Variants in ZSWIM5 observed in about 807,000 individuals in gnomAD.
ZSWIM5 encodes the protein zinc finger SWIM-type containing 5, also known as zinc finger SWIM domain-containing protein 5.
In ZSWIM5, 55 loss-of-function variants were observed where a neutral mutation model predicts 119.6. The ratio of observed to expected loss-of-function variants is 0.46; its 90% CI spans 0.37 to 0.58. ZSWIM5 has a LOEUF of 0.58. Ranked by LOEUF, ZSWIM5 falls within the 20% of genes least tolerant of loss-of-function variation. The probability of loss-of-function intolerance (pLI) is 0.00; values close to 1 mark genes in which losing one functional copy is unlikely to be tolerated. For missense variants in ZSWIM5, 1,193 were observed against 1,512.8 expected (o/e 0.79, Z 3.51); for synonymous variants, 537 against 606.9 (o/e 0.88, Z 1.69).
At chr1:45,089,816 TA>T (rs1193657676) in intron 1 of ZSWIM5, among the ~76,000 whole-genome samples, 5 of 150,230 alleles carry the variant, frequency 3.3e-5, no homozygotes, top group African/African-American at 1.2e-4. Flanking sequence ...CTACACAAAA[TA>T]AAAAAAAAGT....
chr1:45,201,600 CTATAA>C (rs913701483), intron 1 of ZSWIM5, among the ~76,000 whole-genome samples: 35 of 152,110 alleles, frequency 2.3e-4, no homozygotes, highest in Middle Eastern at 6.8e-3. Context: ...CCAGCCTTTT[CTATAA>C]TATATTTTTA....
chr1:45,022,134 A>AT (rs1163868262), intron 11 of ZSWIM5, among the ~76,000 whole-genome samples: 8,731 of 148,840 alleles, frequency 0.059, 953 homozygotes, highest in African/African-American at 0.21. Flanking sequence ...ATTTTATTTT[A>AT]TTTTATTTTT....
intron 11 of ZSWIM5, among the ~76,000 whole-genome samples, chr1:45,028,738 G>A (rs2148988985): frequency 6.6e-6 from 1 of 151,850 alleles, no homozygotes; most frequent in African/African-American, 2.4e-5. Context: ...CTGGGTGACA[G>A]AGCGAGACTC....
intron 1 of ZSWIM5, among the ~76,000 whole-genome samples, chr1:45,177,230 T>C (rs537360450): frequency 6.6e-6 from 1 of 152,184 alleles, no homozygotes; most frequent in South Asian, 2.1e-4. Context: ...GAAAAGAATA[T>C]GACACTGAAA....
chr1:45,133,606 T>G (rs1400206132), intron 1 of ZSWIM5, among the ~76,000 whole-genome samples: 5 of 152,218 alleles, frequency 3.3e-5, no homozygotes, highest in African/African-American at 1.2e-4. Flanking sequence ...CAGAAGCTCT[T>G]TAGTTTAATT....
chr1:45,175,027 T>A (rs999473431), intron 1 of ZSWIM5, among the ~76,000 whole-genome samples: 1 of 152,120 alleles, frequency 6.6e-6, no homozygotes, highest in Non-Finnish European at 1.5e-5. Flanking sequence ...AATGTCCCCA[T>A]AAGGATCCAG....
At chr1:45,116,393 T>C (rs1645558504) in intron 1 of ZSWIM5, among the ~76,000 whole-genome samples, 1 of 152,210 alleles carries the variant, frequency 6.6e-6, no homozygotes, top group Non-Finnish European at 1.5e-5. Context: ...TCTTTTCTCC[T>C]CCTTCTAGCA....
rs1645131149 is a variant in ZSWIM5, at chr1:45,057,809, A to C, written c.1252+800T>G. Reference sequence around the variant, plus strand: ...ACAGAGGACTGCCTTGATGAGGGAGAACCTAGAACAGTGAGGCCATTAGAA... The same window carrying C: ...ACAGAGGACTGCCTTGATGAGGGAGCACCTAGAACAGTGAGGCCATTAGAA... On this transcript the variant is annotated intron_variant, in intron 4 of 13. Transcript: ENST00000359600. The surrounding 1 kb of genome is among the most constrained non-coding windows in gnomAD (Gnocchi z 4.7). 6.6e-6 allele frequency among the ~76,000 whole-genome samples: 1 copy of C among 152,226 alleles called. No individual in the cohort carries two copies. Among genetic ancestry groups the C allele is most frequent in the Non-Finnish European group, 1.5e-5 (1 of 68,048 alleles).
chr1:45,066,717 C>T (rs540827546), intron 2 of ZSWIM5, among the ~76,000 whole-genome samples: 5 of 152,166 alleles, frequency 3.3e-5, no homozygotes, highest in South Asian at 2.1e-4. Flanking sequence ...AATTTGGACT[C>T]GATCCTAACA....
chr1:45,036,455 A>G (rs1357028986), intron 8 of ZSWIM5, 156 bp from the exon 9 acceptor site: 1 of 647,428 alleles, frequency 1.5e-6, no homozygotes. Context: ...CCCCGGTTCA[A>G]GCGATTTTCC....
intron 1 of ZSWIM5, among the ~76,000 whole-genome samples, chr1:45,147,820 G>A (rs967789225): frequency 2.6e-5 from 4 of 151,888 alleles, no homozygotes; most frequent in Non-Finnish European, 4.4e-5. Flanking sequence ...TTTCTACCCA[G>A]ACAACACACT....
chr1:45,099,346 CA>C (rs1369547122), intron 1 of ZSWIM5, among the ~76,000 whole-genome samples: 1 of 152,000 alleles, frequency 6.6e-6, no homozygotes, highest in Non-Finnish European at 1.5e-5. Context: ...AAGACTAAAC[CA>C]GGAAGAAATT....
At chr1:45,054,235 C>T (rs1645107884) in intron 4 of ZSWIM5, among the ~76,000 whole-genome samples, 1 of 151,844 alleles carries the variant, frequency 6.6e-6, no homozygotes, top group Non-Finnish European at 1.5e-5. Flanking sequence ...TATGATCACA[C>T]CACTGTATTC....
chr1:45,029,692 G>A (rs1041094094), intron 11 of ZSWIM5, among the ~76,000 whole-genome samples: 5 of 152,080 alleles, frequency 3.3e-5, no homozygotes, highest in East Asian at 3.9e-4. Context: ...AAAATCATAC[G>A]ATCTTTATCC....
intron 5 of ZSWIM5, among the ~76,000 whole-genome samples, chr1:45,047,573 T>C (rs1386806048): frequency 6.6e-6 from 1 of 152,114 alleles, no homozygotes; most frequent in Non-Finnish European, 1.5e-5. Context: ...AGTGAAAAAT[T>C]GGAGATGCAG....
intron 1 of ZSWIM5, among the ~76,000 whole-genome samples, chr1:45,146,403 G>A: frequency 1.0e-5 from 1 of 98,084 alleles, no homozygotes. Context: ...AAAAAAAAAA[G>A]TATAAAATAC....
In ZSWIM5 at chr1:45,139,177, G is replaced by A. The variant is rs550389728; in HGVS notation, c.596-50940C>T. 2.6e-4 allele frequency among the ~76,000 whole-genome samples: 40 copies of A among 151,476 alleles called. 1 individual carries two copies. In the South Asian group the frequency reaches 7.3e-3, roughly 28 times the overall value. On this transcript the variant is annotated intron_variant, in intron 1 of 13. Coordinates refer to ENST00000359600, the MANE Select transcript of ZSWIM5 (RefSeq NM_020883.2). ...GATTACAGGTGTGAGCCACCACACC[G>A]GCCCTTTTTTCCGTTTTTTAAGAGA...
At chr1:45,041,479 T>A (rs959335320) in intron 6 of ZSWIM5, among the ~76,000 whole-genome samples, 1 of 151,110 alleles carries the variant, frequency 6.6e-6, no homozygotes, top group Non-Finnish European at 1.5e-5. Flanking sequence ...AAATATAAAA[T>A]AAAAATCAGA....
intron 1 of ZSWIM5, among the ~76,000 whole-genome samples, chr1:45,191,121 T>C (rs1307050140): frequency 1.3e-5 from 2 of 150,822 alleles, no homozygotes; most frequent in Non-Finnish European, 3.0e-5. Flanking sequence ...TAATTTTTTG[T>C]ATTTTTAGTA....
Sources: allele counts gnomAD v4.1 joint callset (sites outside exome capture counted in the v4.1 genomes callset), GRCh38; gene constraint gnomAD v4.1.1; non-coding constraint Gnocchi (gnomAD v3.1); transcripts MANE v1.5; gene names NCBI Gene and HGNC (gene_info 2026-07-23, HGNC 2026-07-21).